Variants in PALM2AKAP2 observed in about 807,000 individuals in gnomAD.
PALM2AKAP2 encodes the protein PALM2-AKAP2 fusion protein.
Under a neutral mutation model 71.5 loss-of-function variants are expected in PALM2AKAP2, and 37 were observed. The observed-to-expected ratio is 0.52, with a 90% confidence interval of 0.40 to 0.68. The LOEUF (loss-of-function observed/expected upper bound fraction) is 0.68. PALM2AKAP2 is among the 30% of genes least tolerant of loss of function. The pLI, the probability that PALM2AKAP2 is intolerant of heterozygous loss-of-function variation, is 0.00. For synonymous variants in PALM2AKAP2, 468 were observed against 478.8 expected (o/e 0.98, Z 0.29); for missense variants, 1,224 against 1,191.8 (o/e 1.03, Z -0.40).
chr9:109,780,305 T>TGAGCCCGGGC (rs1829418575), upstream of PALM2AKAP2: 1 of 1,329,272 alleles, frequency 7.5e-7, no homozygotes, highest in African/African-American at 1.5e-5. Context: ...GGCCAGAGGC[T>TGAGCCCGGGC]GAGCCCGGGC....
intron 7 of PALM2AKAP2, among the ~76,000 whole-genome samples, chr9:110,035,382 T>G (rs28712144): frequency 7.2e-6 from 1 of 139,494 alleles, no homozygotes; most frequent in African/African-American, 2.9e-5. Context: ...ATACATATAT[T>G]ATATGTATAA....
chr9:110,083,451 T>G (rs969382908), intron 1 of PALM2AKAP2, among the ~76,000 whole-genome samples: 2 of 152,244 alleles, frequency 1.3e-5, no homozygotes, highest in African/African-American at 4.8e-5. Context: ...TTAATAATGT[T>G]GAAACATTTC....
chr9:109,937,927 A>G (rs1186900210), intron 6 of PALM2AKAP2, among the ~76,000 whole-genome samples: 3 of 152,362 alleles, frequency 2.0e-5, no homozygotes, highest in African/African-American at 7.2e-5. Flanking sequence ...GACCCTCATC[A>G]TTATACAAAT....
chr9:109,817,531 A>G (rs1382394202), intron 1 of PALM2AKAP2, among the ~76,000 whole-genome samples: 1 of 152,208 alleles, frequency 6.6e-6, no homozygotes, highest in African/African-American at 2.4e-5. Context: ...GTAAAAATAG[A>G]CAGTCTAGGC....
At chr9:109,992,618 C>T (rs1398024916) in intron 6 of PALM2AKAP2, among the ~76,000 whole-genome samples, 1 of 152,066 alleles carries the variant, frequency 6.6e-6, no homozygotes, top group African/African-American at 2.4e-5. Flanking sequence ...TTGAGGAACA[C>T]AATTCAATCC....
chr9:109,996,298 AG>A (rs1832574297), intron 6 of PALM2AKAP2, among the ~76,000 whole-genome samples: 1 of 152,216 alleles, frequency 6.6e-6, no homozygotes, highest in Non-Finnish European at 1.5e-5. Flanking sequence ...GGACCTGGAA[AG>A]GGGCCCCACT....
chr9:110,096,655 T>A (rs565662573), intron 1 of PALM2AKAP2, among the ~76,000 whole-genome samples: 177 of 152,214 alleles, frequency 1.2e-3, no homozygotes, highest in African/African-American at 4.1e-3. Flanking sequence ...TACTAGCCAG[T>A]CTTCTGTTGT....
intron 1 of PALM2AKAP2, among the ~76,000 whole-genome samples, chr9:110,068,207 C>T (rs929536118): frequency 7.0e-6 from 1 of 143,620 alleles, no homozygotes; most frequent in Non-Finnish European, 1.5e-5. Flanking sequence ...AGTAAACTTT[C>T]ATGATGGATT....
intron 7 of PALM2AKAP2, among the ~76,000 whole-genome samples, chr9:110,038,333 CA>C (rs1257518286): frequency 1.1e-4 from 7 of 66,108 alleles, no homozygotes; most frequent in African/African-American, 3.0e-4. Context: ...GTCTCAAAAA[CA>C]AACAAACAAA....
chr9:109,698,724 T>C (rs1358100327), intron 1 of PALM2AKAP2, among the ~76,000 whole-genome samples: 1 of 152,178 alleles, frequency 6.6e-6, no homozygotes, highest in Non-Finnish European at 1.5e-5. Context: ...GTACGAATGC[T>C]ATTGTGGCAG....
chr9:110,014,141 A>G (rs1832930007), intron 6 of PALM2AKAP2, among the ~76,000 whole-genome samples: 1 of 152,212 alleles, frequency 6.6e-6, no homozygotes, highest in African/African-American at 2.4e-5. Context: ...ACATAATGCT[A>G]GACAGTTGAA....
chr9:109,947,996 G>C (rs1245901501), intron 6 of PALM2AKAP2, among the ~76,000 whole-genome samples: 1 of 152,164 alleles, frequency 6.6e-6, no homozygotes, highest in Non-Finnish European at 1.5e-5. Flanking sequence ...AACACAGCAA[G>C]AGCACACAGT....
intron 3 of PALM2AKAP2, among the ~76,000 whole-genome samples, chr9:109,915,510 C>A (rs966855754): frequency 2.6e-5 from 4 of 152,210 alleles, no homozygotes; most frequent in African/African-American, 9.7e-5. Context: ...GGTTCCCCAG[C>A]CAGACCACCA....
chr9:109,823,352 G>A (rs1828061359), intron 1 of PALM2AKAP2, among the ~76,000 whole-genome samples: 1 of 152,184 alleles, frequency 6.6e-6, no homozygotes, highest in South Asian at 2.1e-4. Flanking sequence ...GTGTTGAGGT[G>A]GGAACAGCCC....
chr9:109,881,965 C>T (rs980658881), intron 3 of PALM2AKAP2, among the ~76,000 whole-genome samples: 1 of 147,474 alleles, frequency 6.8e-6, no homozygotes, highest in African/African-American at 2.5e-5. Flanking sequence ...CTCACTGCAA[C>T]CTCCGCCTCC....
chr9:109,922,421 CAAAAAAAAAAAAAAAAA>C (rs398011831), intron 3 of PALM2AKAP2, among the ~76,000 whole-genome samples: 55 of 19,238 alleles, frequency 2.9e-3, no homozygotes, highest in African/African-American at 8.2e-3. Flanking sequence ...GACTCTATCT[CAAAAAAAAAAAAAAAAA>C]AAAAAAAAAA....
At chr9:109,668,994 G>C (rs1354366327) in intron 1 of PALM2AKAP2, among the ~76,000 whole-genome samples, 1 of 152,200 alleles carries the variant, frequency 6.6e-6, no homozygotes, top group African/African-American at 2.4e-5. Flanking sequence ...GGGTGGAAAA[G>C]TATAAACCAG....
intron 7 of PALM2AKAP2, among the ~76,000 whole-genome samples, chr9:110,031,705 A>C (rs1046363080): frequency 7.2e-5 from 11 of 152,222 alleles, no homozygotes; most frequent in African/African-American, 2.7e-4. Flanking sequence ...GGTCTAAGCC[A>C]GACAGCACTA....
intron 3 of PALM2AKAP2, among the ~76,000 whole-genome samples, chr9:109,887,291 G>A (rs548824072): frequency 4.3e-4 from 66 of 152,312 alleles, no homozygotes; most frequent in Non-Finnish European, 8.4e-4. Context: ...GATTCATTGT[G>A]TTCTTCACAT....
Sources: gnomAD v4.1 joint callset for allele counts (sites outside exome capture counted in the v4.1 genomes callset) on GRCh38, gnomAD v4.1.1 for gene constraint, MANE v1.5 for transcripts, NCBI Gene and HGNC (gene_info 2026-07-23, HGNC 2026-07-21) for gene names.